NAAA: variants seen among roughly 807,000 people sequenced by gnomAD.
The protein encoded by NAAA is N-acylethanolamine-hydrolyzing acid amidase.
A neutral mutation model predicts 44.8 loss-of-function variants in NAAA; 39 were observed. The ratio of observed to expected loss-of-function variants is 0.87; its 90% CI spans 0.67 to 1.14. The LOEUF (loss-of-function observed/expected upper bound fraction) is 1.14, where lower values mean the gene tolerates loss of function less well. NAAA is among the 50% of genes most tolerant of loss of function. NAAA has a pLI of 0.00. For synonymous variants in NAAA, 178 were observed against 191.3 expected, an observed-to-expected ratio of 0.93 and a Z score of 0.58; for missense variants, 460 against 467.8, an observed-to-expected ratio of 0.98 and a Z score of 0.15.
downstream of NAAA, among the ~76,000 whole-genome samples, chr4:75,913,467 CT>C (rs1725414172): frequency 6.6e-6 from 1 of 151,936 alleles, no homozygotes; most frequent in Admixed American, 6.6e-5. Context: ...CACTTTTAAC[CT>C]TTTCTGACTT....
chr4:75,914,138 C>T lies in NAAA; in HGVS notation c.*237G>A. On this transcript the variant is annotated 3_prime_UTR_variant, in exon 11 of 11. Transcript: ENST00000286733. Reference sequence around the variant, plus strand: ...GATAGAAGCTTAGAGAGGATCGAGGCAAACCATGAAGGGAAGGGAATGCAG... The same window carrying T: ...GATAGAAGCTTAGAGAGGATCGAGGTAAACCATGAAGGGAAGGGAATGCAG... 1.0e-6 allele frequency: 1 copy of T among 985,668 alleles called. No individual in the cohort carries two copies. The allele number at this position is 985,668 out of a possible 1,614,324, so 61.1% of individuals were successfully genotyped here. A position where few individuals can be genotyped will look rare whatever the true frequency, so the allele number is the denominator to read the frequency against.
intron 8 of NAAA, chr4:75,919,591 G>A: frequency 2.4e-6 from 1 of 418,436 alleles, no homozygotes; most frequent in Non-Finnish European, 4.2e-6. Flanking sequence ...CCATTCTCCT[G>A]CCTCAGCCTC....
intron 5 of NAAA, among the ~76,000 whole-genome samples, chr4:75,922,519 G>A (rs1578050881): frequency 6.6e-6 from 1 of 152,176 alleles, no homozygotes; most frequent in Admixed American, 6.5e-5. Context: ...TAGACACACA[G>A]GCCTAGCTGG....
chr4:75,910,961 TGGAGTTC>T (rs996608646), downstream of NAAA, among the ~76,000 whole-genome samples: 3 of 152,082 alleles, frequency 2.0e-5, no homozygotes, highest in African/African-American at 7.2e-5. Flanking sequence ...GGATAGACGG[TGGAGTTC>T]GGAGCAATTT....
intron 2 of NAAA, among the ~76,000 whole-genome samples, chr4:75,937,518 C>T (rs1187961191): frequency 2.6e-5 from 4 of 151,968 alleles, no homozygotes; most frequent in Admixed American, 6.5e-5. Flanking sequence ...TATTTTGAGT[C>T]TCTGTCACCC....
At chr4:75,924,466 GGA>G (rs1249086887) in intron 5 of NAAA, among the ~76,000 whole-genome samples, 2 of 152,160 alleles carry the variant, frequency 1.3e-5, no homozygotes, top group Non-Finnish European at 2.9e-5. Flanking sequence ...TCATATTTCT[GGA>G]CCACAGTTGA....
intron 4 of NAAA, among the ~76,000 whole-genome samples, chr4:75,927,456 A>C (rs986087270): frequency 2.6e-5 from 4 of 151,984 alleles, no homozygotes; most frequent in Middle Eastern, 6.8e-3. Context: ...AGAAAACAGA[A>C]AGAAGAGAAA....
chr4:75,918,647 G>T, intron 9 of NAAA, 114 bp downstream of exon 9: 2 of 1,061,928 alleles, frequency 1.9e-6, no homozygotes, highest in Non-Finnish European at 2.9e-6. Flanking sequence ...CCACAGGAGT[G>T]CCCCCACAGC....
chr4:75,934,285 G>C (rs1022463798), intron 3 of NAAA, among the ~76,000 whole-genome samples: 1 of 151,620 alleles, frequency 6.6e-6, no homozygotes. Flanking sequence ...AGGGCTGCTG[G>C]GGGGATCGAA....
chr4:75,922,802 G>A (rs1726295937), intron 5 of NAAA, among the ~76,000 whole-genome samples: 1 of 152,318 alleles, frequency 6.6e-6, no homozygotes, highest in Admixed American at 6.5e-5. Context: ...GGTAATAGGA[G>A]TGATGAAATA....
chr4:75,919,486 ATTT>A (rs977273528), intron 8 of NAAA: 5 of 171,050 alleles, frequency 2.9e-5, no homozygotes, highest in Admixed American at 6.6e-5. Flanking sequence ...ATGTCATATA[ATTT>A]TTTTTTTTTT....
rs1276850279 is a variant in NAAA, at chr4:75,918,741, A to G, written c.998+20T>C. On this transcript the variant is annotated intron_variant, in intron 9 of 10. Transcript: ENST00000286733. ...GTTCTGGAGTGATGTGTGAACAGAC[A>G]TGTTTAACAAGCCACTTACTTGTTA... 3 of 1,611,964 alleles carry G rather than the reference A, an allele frequency of 1.9e-6. No individual in the cohort carries two copies. The highest frequency in any genetic ancestry group is 2.5e-6 in the Non-Finnish European group (3 of 1,178,074).
chr4:75,919,067 A>C (rs1168712563), intron 8 of NAAA, among the ~76,000 whole-genome samples: 1 of 151,474 alleles, frequency 6.6e-6, no homozygotes, highest in East Asian at 1.9e-4. Context: ...TTTTTGAGAC[A>C]GTCTTGCTGT....
At chr4:75,938,372 A>C (rs186706559) in intron 2 of NAAA, among the ~76,000 whole-genome samples, 74 of 152,344 alleles carry the variant, frequency 4.9e-4, no homozygotes, top group Non-Finnish European at 9.3e-4. Context: ...CCAACAGATG[A>C]GGGTAAAAAT....
Position 75,940,784 on chromosome 4 carries a change from C to T in NAAA, c.166G>A (p.Asp56Asn), listed in dbSNP as rs1408878304. The change falls in exon 1 of 11, where the codon GAC becomes AAC. Residue 56 changes from aspartate (D) to asparagine (N), a missense_variant. Transcript: ENST00000286733. Reference protein sequence around the residue: ...LRWLPVLRHYDLDLVRAAMAQ... With the variant: ...LRWLPVLRHYNLDLVRAAMAQ... ...ATCGCGGCGCGCACCAAGTCCAAGT[C>T]GTAGTGCCGCAGCACGGGCAGCCAG... The T allele has an allele frequency of 1.3e-6, 2 of 1,598,850 alleles. No individual in the cohort carries two copies. The highest frequency in any genetic ancestry group is 2.2e-5 in the East Asian group (1 of 44,516).
chr4:75,930,397 A>G, intron 4 of NAAA: 1 of 495,976 alleles, frequency 2.0e-6, no homozygotes, highest in Non-Finnish European at 4.0e-6. Flanking sequence ...ACTAGCTGTC[A>G]TTTCATCTCA....
chr4:75,914,989 A>C lies in NAAA; in HGVS notation c.999-4T>G. On this transcript the variant is annotated splice_region_variant and splice_polypyrimidine_tract_variant and intron_variant, in intron 9 of 10. Transcript: ENST00000286733. ...TACCGTAGTATAAATTGTGAAGCTG[A>C]AAATTATGAGGAAATTTTATGTACA... The C allele has an allele frequency of 3.8e-6, 6 of 1,595,524 alleles. No individual in the cohort carries two copies. The highest frequency in any genetic ancestry group is 5.2e-6 in the Non-Finnish European group (6 of 1,163,232).
Position 75,919,943 on chromosome 4 carries a change from C to T in NAAA, c.935G>A (p.Gly312Glu), listed in dbSNP as rs760538115. 1 of 1,614,134 alleles carries T rather than the reference C, an allele frequency of 6.2e-7. No individual in the cohort carries two copies. Among genetic ancestry groups the T allele is most frequent in the Non-Finnish European group, 8.5e-7 (1 of 1,180,008 alleles). The stretch of plus-strand genomic sequence containing the variant: ...TGCCTCCAGGCTGAGGTTTGCTTGT[C>T]CTGTAGCATTAAGGGCCTTGATGGC... ...TSAIKALNAT[G>E]QANLSLEALF... Residue 312 changes from glycine (G) to glutamate (E), a missense_variant, in exon 8 of 11, where the codon GGA (glycine) becomes GAA (glutamate). Gly to Glu is a moderately conservative substitution (Grantham distance 98, BLOSUM62 -2). Coordinates refer to ENST00000286733, the MANE Select transcript of NAAA (RefSeq NM_014435.4).
chr4:75,921,145 C>T lies in NAAA; in HGVS notation c.667-22G>A, dbSNP rs763447076. Reference sequence around the variant, plus strand: ...GGGTCTGAACGAAAGGATGAACTTGCGTGAGCAACCCCACCTGCAGTTGGG... The same window carrying T: ...GGGTCTGAACGAAAGGATGAACTTGTGTGAGCAACCCCACCTGCAGTTGGG... On this transcript the variant is annotated intron_variant, in intron 5 of 10. Coordinates refer to ENST00000286733, the MANE Select transcript of NAAA (RefSeq NM_014435.4). 1.7e-5 allele frequency: 27 copies of T among 1,548,448 alleles called. No individual in the cohort carries two copies. The South Asian group carries it at 2.1e-4, about 12-fold the overall frequency.
Sources: allele counts gnomAD v4.1 joint callset (sites outside exome capture counted in the v4.1 genomes callset), GRCh38; gene constraint gnomAD v4.1.1; transcripts MANE v1.5; gene names NCBI Gene and HGNC (gene_info 2026-07-23, HGNC 2026-07-21).